SLC2A14: variants seen among roughly 807,000 people sequenced by gnomAD.
SLC2A14 encodes the protein solute carrier family 2, facilitated glucose transporter member 14.
SLC2A14 carries 13 observed loss-of-function variants against 43.0 expected under a neutral mutation model. The observed-to-expected ratio is 0.30, with a 90% confidence interval of 0.20 to 0.48. The LOEUF is 0.48. SLC2A14 is among the 20% of genes least tolerant of loss of function. The probability of loss-of-function intolerance (pLI) is 0.99; values close to 1 mark genes in which losing one functional copy is unlikely to be tolerated. For missense variants in SLC2A14, 428 were observed against 620.4 expected (o/e 0.69, Z 3.29); for synonymous variants, 190 against 233.8 (o/e 0.81, Z 1.71).
At chr12:7,819,016 G>A (rs7956469) in intron 9 of SLC2A14, among the ~76,000 whole-genome samples, 2,915 of 152,162 alleles carry the variant, frequency 0.019, 84 homozygotes, top group African/African-American at 0.066. Flanking sequence ...TTGGGAGTTC[G>A]AGACCAGTCT....
rs141762003 is a variant in SLC2A14, at chr12:7,830,569, G to A, written c.273-563C>T. ...GAGGATTGCTTGAGACTGGGAGGTC[G>A]AGGCTATAGTGAGCTATGATTGGGC... is the stretch of plus-strand genomic sequence containing the variant. On this transcript the variant is annotated intron_variant, in intron 4 of 10. Transcript: ENST00000431042. Among the ~76,000 whole-genome samples, 530 of 152,224 alleles carry A rather than the reference G, an allele frequency of 3.5e-3. 2 individuals are homozygous for A. Among genetic ancestry groups the A allele is most frequent in the African/African-American group, 0.012 (499 of 41,552 alleles).
rs770240320 is a variant in SLC2A14 at position 7,849,641 on chromosome 12, C to T, written c.19-16827G>A. Among the ~76,000 whole-genome samples the T allele has an allele frequency of 3.3e-5, 5 of 151,992 alleles. No homozygotes were observed. The East Asian group carries it at 9.7e-4, about 29-fold the overall frequency. Reference sequence around the variant, plus strand: ...CTGGGCTGGGTGCAGTGGCTCATGCCTGTAATCCCAGCAATTTGGGAGGCT... The same window carrying T: ...CTGGGCTGGGTGCAGTGGCTCATGCTTGTAATCCCAGCAATTTGGGAGGCT... On this transcript the variant is annotated intron_variant, in intron 2 of 10. Coordinates refer to ENST00000431042, the MANE Select transcript of SLC2A14 (RefSeq NM_001286234.2).
rs186611955 is a variant in SLC2A14, at chr12:7,880,754, C to T, written c.132+10242G>A. ...GGGCGCAGTGGCTCATGCTTGTAAT[C>T]CCTGCACTTTGGGAGGCTGAGGCGG... On this transcript the variant is annotated intron_variant, in intron 1 of 9. Transcript: ENST00000539924. Among the ~76,000 whole-genome samples the T allele has an allele frequency of 6.2e-4, 93 of 150,776 alleles. No individual in the cohort carries two copies. In the East Asian group the frequency reaches 0.013, roughly 21 times the overall value.
chr12:7,873,312 G>T, upstream of SLC2A14: 1 of 985,340 alleles, frequency 1.0e-6, no homozygotes, highest in African/African-American at 1.7e-5. Context: ...CGGGCGGGCC[G>T]GCTGGGCTGG....
At chr12:7,885,972 T>A (rs1454294075) in intron 1 of SLC2A14, among the ~76,000 whole-genome samples, 10 of 151,664 alleles carry the variant, frequency 6.6e-5, no homozygotes, top group Non-Finnish European at 1.3e-4. Flanking sequence ...AAGTTTGAAA[T>A]TTTTCTTTTC....
At chr12:7,871,020 C>A in intron 1 of SLC2A14, 1 of 1,434,160 alleles carries the variant, frequency 7.0e-7, no homozygotes, top group Non-Finnish European at 9.4e-7. Flanking sequence ...GGGGACAGCA[C>A]GACAAGCTGG....
chr12:7,866,237 A>AAG (rs1175289068), intron 2 of SLC2A14, among the ~76,000 whole-genome samples: 2 of 151,466 alleles, frequency 1.3e-5, no homozygotes, highest in Non-Finnish European at 2.9e-5. Flanking sequence ...AAAAAAAAAA[A>AAG]AAAAAGAAAA....
chr12:7,832,627 C>A (rs1865131742), intron 3 of SLC2A14, 95 bp downstream of exon 3: 3 of 1,392,820 alleles, frequency 2.2e-6, no homozygotes, highest in Non-Finnish European at 3.0e-6. Flanking sequence ...AGGCAGGTGC[C>A]ACCATGCCTG....
At chr12:7,835,089 T>C (rs1865332871) in intron 2 of SLC2A14, among the ~76,000 whole-genome samples, 2 of 134,806 alleles carry the variant, frequency 1.5e-5, no homozygotes, top group Non-Finnish European at 3.3e-5. Flanking sequence ...GAAATCTTTC[T>C]GTAGCTCTAT....
intron 10 of SLC2A14, among the ~76,000 whole-genome samples, chr12:7,814,801 A>T (rs772541777): frequency 4.6e-5 from 7 of 151,168 alleles, no homozygotes; most frequent in Non-Finnish European, 7.4e-5. Context: ...GAGTATTATT[A>T]TTATTATTAT....
At chr12:7,872,713 G>T in intron 1 of SLC2A14, 94 bp downstream of exon 1, 1 of 939,084 alleles carries the variant, frequency 1.1e-6, no homozygotes, top group Non-Finnish European at 1.3e-6. Context: ...CCTCCGAGTA[G>T]CCGCCCACCT....
chr12:7,843,129 C>G (rs1350153126), intron 2 of SLC2A14, among the ~76,000 whole-genome samples: 1 of 151,920 alleles, frequency 6.6e-6, no homozygotes, highest in Admixed American at 6.6e-5. Flanking sequence ...ACCCCCTCAT[C>G]TTTTTAGACC....
intron 2 of SLC2A14, among the ~76,000 whole-genome samples, chr12:7,850,406 A>T (rs7313138): frequency 0.85 from 128,694 of 151,454 alleles, 54,652 homozygotes; most frequent in Middle Eastern, 0.96. Context: ...TATTATTATT[A>T]TTTTTTTGAG....
chr12:7,874,869 CATATATAAATATATATTTATATAAAAATT>C (rs1565584929), upstream of SLC2A14, among the ~76,000 whole-genome samples: 80 of 79,298 alleles, frequency 1.0e-3, no homozygotes, highest in African/African-American at 4.0e-3. Context: ...TATATAAATA[CATATATAAATATATATTTATATAAAAATT>C]ATATATAAAT....
upstream of SLC2A14, among the ~76,000 whole-genome samples, chr12:7,877,409 GGA>G (rs3044917): frequency 6.6e-6 from 1 of 152,014 alleles, no homozygotes; most frequent in Non-Finnish European, 1.5e-5. Context: ...CCTGGGCTTA[GGA>G]GAGAGAGTAC....
At chr12:7,822,574 CAGG>C (rs1230162524) in intron 7 of SLC2A14, among the ~76,000 whole-genome samples, 8 of 150,008 alleles carry the variant, frequency 5.3e-5, no homozygotes, top group Admixed American at 2.7e-4. Flanking sequence ...GAGGCTGAGG[CAGG>C]AGAATGGCGT....
At chr12:7,870,914 T>TCCAATGTC in intron 1 of SLC2A14, 1 of 1,404,612 alleles carries the variant, frequency 7.1e-7, no homozygotes, top group Non-Finnish European at 9.5e-7. Flanking sequence ...AGGGGCCACA[T>TCCAATGTC]CCAATGTCTT....
At chr12:7,826,916 TTTCCTTTTTCTTTC>T (rs1864479206) in intron 7 of SLC2A14, among the ~76,000 whole-genome samples, 1 of 120,680 alleles carries the variant, frequency 8.3e-6, no homozygotes, top group African/African-American at 3.0e-5. Context: ...TTTCTTTCTT[TTTCCTTTTTCTTTC>T]CTTTCCTTTC....
chr12:7,812,915 A>T lies in SLC2A14; in HGVS notation c.*1401T>A, dbSNP rs1202966444. ...ACAATAACATACTTCCACCCAGAGC[A>T]AAGTGACAGTGCACATACATTCATC... On this transcript the variant is annotated 3_prime_UTR_variant, in exon 11 of 11. Coordinates refer to ENST00000431042, the MANE Select transcript of SLC2A14 (RefSeq NM_001286234.2). 6.6e-6 allele frequency: 1 copy of T among 152,214 alleles called. No homozygotes were observed. Among genetic ancestry groups the T allele is most frequent in the African/African-American group, 2.4e-5 (1 of 41,434 alleles). 9.4% of individuals were successfully genotyped at this position (152,214 alleles called of 1,614,324 possible).
Sources: allele counts gnomAD v4.1 joint callset (sites outside exome capture counted in the v4.1 genomes callset), GRCh38; gene constraint gnomAD v4.1.1; transcripts MANE v1.5; gene names NCBI Gene and HGNC (gene_info 2026-07-23, HGNC 2026-07-21).